Variants in XPO7 observed in about 807,000 individuals in gnomAD.
XPO7 encodes exportin-7.
A neutral mutation model predicts 144.3 loss-of-function variants in XPO7; 21 were observed. The ratio of observed to expected loss-of-function variants is 0.15; its 90% CI spans 0.10 to 0.21. The LOEUF (loss-of-function observed/expected upper bound fraction) is 0.21. Ranked by LOEUF, XPO7 falls within the 10% of genes least tolerant of loss-of-function variation. The probability of loss-of-function intolerance (pLI) is 1.00; values close to 1 mark genes in which losing one functional copy is unlikely to be tolerated. For synonymous variants in XPO7, 580 were observed against 499.6 expected (o/e 1.16, Z -2.15); for missense variants, 808 against 1,325.8 (o/e 0.61, Z 6.06).
chr8:21,962,174 G>T (rs776082877), intron 1 of XPO7, among the ~76,000 whole-genome samples: 3 of 152,186 alleles, frequency 2.0e-5, no homozygotes, highest in African/African-American at 4.8e-5. Flanking sequence ...CATTCAAAGA[G>T]CAAGCGAGTT....
intron 21 of XPO7, among the ~76,000 whole-genome samples, chr8:21,997,811 T>C (rs887708798): frequency 6.6e-6 from 1 of 151,956 alleles, no homozygotes; most frequent in African/African-American, 2.4e-5. Flanking sequence ...TTGGGGTTTA[T>C]TTTAGAGTTA....
At chr8:21,995,676 C>A in intron 21 of XPO7, 77 bp downstream of exon 21, 1 of 1,131,906 alleles carries the variant, frequency 8.8e-7, no homozygotes, top group Non-Finnish European at 1.2e-6. Flanking sequence ...GTGCTTTGGG[C>A]AGATTGTGGG....
chr8:21,950,271 T>G (rs1201890761), intron 1 of XPO7, among the ~76,000 whole-genome samples: 1 of 152,238 alleles, frequency 6.6e-6, no homozygotes, highest in East Asian at 1.9e-4. Flanking sequence ...AAAATAAATT[T>G]TTAAGGTCAT....
intron 1 of XPO7, among the ~76,000 whole-genome samples, chr8:21,947,618 A>G (rs1811234773): frequency 6.6e-6 from 1 of 152,210 alleles, no homozygotes; most frequent in Admixed American, 6.5e-5. Flanking sequence ...CTCTTAGAAG[A>G]TAATATAAAA....
chr8:21,990,237 A>G, intron 16 of XPO7, 107 bp from the exon 17 acceptor site: 3 of 1,154,934 alleles, frequency 2.6e-6, no homozygotes, highest in Non-Finnish European at 2.6e-6. Flanking sequence ...GTATTTTTTA[A>G]AAAATAAGAT....
intron 1 of XPO7, among the ~76,000 whole-genome samples, chr8:21,950,314 G>A (rs1028606779): frequency 6.6e-6 from 1 of 152,164 alleles, no homozygotes; most frequent in African/African-American, 2.4e-5. Context: ...GACGTTCAAG[G>A]ACATTTTCAA....
intron 14 of XPO7, among the ~76,000 whole-genome samples, 156 bp downstream of exon 14, chr8:21,987,432 C>G (rs1812616391): frequency 6.6e-6 from 1 of 152,214 alleles, no homozygotes; most frequent in Admixed American, 6.5e-5. Flanking sequence ...CTGGGAGAGT[C>G]ATCAAAGAAT....
At chr8:21,935,120 G>C (rs141331174) in intron 1 of XPO7, among the ~76,000 whole-genome samples, 1 of 152,212 alleles carries the variant, frequency 6.6e-6, no homozygotes, top group African/African-American at 2.4e-5. Context: ...CAGTCACAAA[G>C]GAGCTTTCAT....
chr8:21,921,252 C>T (rs1030050646), intron 1 of XPO7, among the ~76,000 whole-genome samples: 1 of 152,176 alleles, frequency 6.6e-6, no homozygotes, highest in South Asian at 2.1e-4. Flanking sequence ...TCTTACAAGA[C>T]TCAGGCAGGA....
intron 1 of XPO7, among the ~76,000 whole-genome samples, chr8:21,933,494 A>G (rs574140475): frequency 2.3e-4 from 35 of 152,176 alleles, no homozygotes; most frequent in Non-Finnish European, 3.4e-4. Context: ...TTAGGCCTCA[A>G]GGCTATATAT....
rs1476505272 is a variant in XPO7, at chr8:21,946,699, A to G, written c.19-20158A>G. On this transcript the variant is annotated intron_variant, in intron 1 of 27. Transcript: ENST00000252512. Reference sequence around the variant, plus strand: ...CCCTGTTACCCAGGCTGAAGTTGCAATGGTGTGATCTCGGCTCACTGCAGC... The same window carrying G: ...CCCTGTTACCCAGGCTGAAGTTGCAGTGGTGTGATCTCGGCTCACTGCAGC... Among the ~76,000 whole-genome samples, 5 of 149,220 alleles carry G rather than the reference A, an allele frequency of 3.4e-5. No individual in the cohort carries two copies. In the South Asian group the frequency reaches 8.5e-4, roughly 25 times the overall value.
At chr8:21,994,279 G>T in intron 19 of XPO7, 84 bp from the exon 20 acceptor site, 1 of 973,074 alleles carries the variant, frequency 1.0e-6, no homozygotes, top group Non-Finnish European at 1.6e-6. Flanking sequence ...GAAAGAATTT[G>T]ATGATACATG....
chr8:21,926,731 A>AATACATCTGTTGATGTATTGATAAAATCT (rs1810471224), intron 1 of XPO7, among the ~76,000 whole-genome samples: 2 of 152,214 alleles, frequency 1.3e-5, no homozygotes, highest in African/African-American at 4.8e-5. Context: ...TTCACATATC[A>AATACATCTGTTGATGTATTGATAAAATCT]ATACATCTGT....
chr8:21,970,008 ATAAT>A lies in XPO7; in HGVS notation c.260-132_260-129del. The A allele has an allele frequency of 5.0e-6, 5 of 997,188 alleles. No homozygotes were observed. In the South Asian group the frequency reaches 6.8e-5, roughly 14 times the overall value. The allele number at this position is 997,188 out of a possible 1,614,324, so 61.8% of individuals were successfully genotyped here. ...AGTCCCATTTGGAACAGTAGCATAA[ATAAT>A]TAAGACAGTTTGGGTTAAATAGTCT... On this transcript the variant is annotated intron_variant, in intron 3 of 27. Coordinates refer to ENST00000252512, the MANE Select transcript of XPO7 (RefSeq NM_015024.5).
At chr8:21,993,793 C>T (rs890719529) in intron 19 of XPO7, among the ~76,000 whole-genome samples, 4 of 151,924 alleles carry the variant, frequency 2.6e-5, no homozygotes, top group Non-Finnish European at 5.9e-5. Flanking sequence ...TTGTCTTCCT[C>T]CTGGCAGGGC....
At chr8:21,966,499 A>C (rs944875576) in intron 1 of XPO7, among the ~76,000 whole-genome samples, 2 of 152,160 alleles carry the variant, frequency 1.3e-5, no homozygotes, top group Non-Finnish European at 2.9e-5. Flanking sequence ...CTGGTATTTC[A>C]CACTTTTTAC....
At chr8:21,937,980 T>C (rs992507676) in intron 1 of XPO7, among the ~76,000 whole-genome samples, 3 of 152,234 alleles carry the variant, frequency 2.0e-5, no homozygotes, top group Non-Finnish European at 4.4e-5. Context: ...GAGCCTTTCA[T>C]ATCAATTTTT....
intron 1 of XPO7, among the ~76,000 whole-genome samples, chr8:21,956,563 C>A (rs900275517): frequency 2.0e-5 from 3 of 152,066 alleles, no homozygotes; most frequent in Non-Finnish European, 2.9e-5. Flanking sequence ...GGATGTTAGG[C>A]CTATGGAACT....
At chr8:21,997,242 TC>T (rs1379406582) in intron 21 of XPO7, among the ~76,000 whole-genome samples, 1 of 152,206 alleles carries the variant, frequency 6.6e-6, no homozygotes, top group Non-Finnish European at 1.5e-5. Flanking sequence ...TGCCAAACTT[TC>T]CTAGCCACTA....
Sources: allele counts gnomAD v4.1 joint callset (sites outside exome capture counted in the v4.1 genomes callset), GRCh38; gene constraint gnomAD v4.1.1; transcripts MANE v1.5; gene names NCBI Gene and HGNC (gene_info 2026-07-23, HGNC 2026-07-21).